The following NRG3 variants were observed in gnomAD, a reference collection of about 807,000 sequenced individuals.
NRG3 encodes the protein neuregulin 3, also known as pro-neuregulin-3, membrane-bound isoform.
NRG3 carries 31 observed loss-of-function variants against 66.9 expected under a neutral mutation model. The ratio of observed to expected loss-of-function variants is 0.46; its 90% CI spans 0.35 to 0.63. The LOEUF (loss-of-function observed/expected upper bound fraction) is 0.63. Ranked by LOEUF, NRG3 falls within the 20% of genes least tolerant of loss-of-function variation. The pLI is 0.00. For missense variants in NRG3, 910 were observed against 878.9 expected, an observed-to-expected ratio of 1.04 and a Z score of -0.45; for synonymous variants, 393 against 359.4, an observed-to-expected ratio of 1.09 and a Z score of -1.06.
intron 2 of NRG3, among the ~76,000 whole-genome samples, chr10:82,407,807 A>G (rs1240083028): frequency 6.6e-6 from 1 of 152,112 alleles, no homozygotes; most frequent in East Asian, 1.9e-4. Flanking sequence ...GTGGTGGCTC[A>G]TGCCTATAAT....
intron 1 of NRG3, among the ~76,000 whole-genome samples, chr10:82,006,851 T>G (rs1205360926): frequency 6.6e-6 from 1 of 152,310 alleles, no homozygotes; most frequent in African/African-American, 2.4e-5. Flanking sequence ...AGTAAAGGCT[T>G]ATATCAATTA....
intron 1 of NRG3, among the ~76,000 whole-genome samples, chr10:82,193,253 C>T (rs2074261428): frequency 6.6e-6 from 1 of 152,134 alleles, no homozygotes; most frequent in African/African-American, 2.4e-5. Context: ...AGCGATTCTC[C>T]TCCCTCAGCC....
intron 2 of NRG3, among the ~76,000 whole-genome samples, chr10:82,715,835 C>A (rs768216998): frequency 6.6e-6 from 1 of 152,054 alleles, no homozygotes; most frequent in Non-Finnish European, 1.5e-5. Flanking sequence ...TTCAGGTCAC[C>A]ATCATGGTTG....
chr10:82,847,788 G>C (rs1027605705), intron 3 of NRG3, among the ~76,000 whole-genome samples: 1 of 152,180 alleles, frequency 6.6e-6, no homozygotes, highest in Non-Finnish European at 1.5e-5. Flanking sequence ...GAAACCTTGA[G>C]ATGCTGGCTA....
intron 2 of NRG3, among the ~76,000 whole-genome samples, chr10:82,508,897 G>A (rs1844913544): frequency 1.3e-5 from 2 of 152,184 alleles, no homozygotes; most frequent in Admixed American, 6.5e-5. Flanking sequence ...CAAATGTAGA[G>A]TTTATCAGGG....
chr10:82,283,753 A>G (rs1350148556), intron 1 of NRG3, among the ~76,000 whole-genome samples: 2 of 152,144 alleles, frequency 1.3e-5, no homozygotes, highest in African/African-American at 4.8e-5. Flanking sequence ...TCCGTGTTCT[A>G]CCATTTATCA....
intron 3 of NRG3, among the ~76,000 whole-genome samples, chr10:82,824,895 A>T (rs1419214932): frequency 1.3e-5 from 2 of 151,856 alleles, no homozygotes; most frequent in Admixed American, 1.3e-4. Flanking sequence ...TTATTTGCTT[A>T]GAGACAGGGT....
intron 1 of NRG3, among the ~76,000 whole-genome samples, chr10:81,988,584 C>T (rs2060615507): frequency 6.6e-6 from 1 of 152,118 alleles, no homozygotes; most frequent in Admixed American, 6.6e-5. Context: ...CTCAGCTTGT[C>T]CTGAGAGTCA....
chr10:82,554,895 A>G (rs1183757668), intron 2 of NRG3, among the ~76,000 whole-genome samples: 1 of 152,156 alleles, frequency 6.6e-6, no homozygotes, highest in Non-Finnish European at 1.5e-5. Flanking sequence ...GGTTTGTATG[A>G]TAGTTGGGTT....
intron 2 of NRG3, among the ~76,000 whole-genome samples, chr10:82,695,811 A>C (rs570493164): frequency 6.6e-6 from 1 of 152,138 alleles, no homozygotes; most frequent in African/African-American, 2.4e-5. Flanking sequence ...ATTTTATTTT[A>C]TCTAGGGAAT....
chr10:82,339,461 A>G (rs1482268823), intron 1 of NRG3, among the ~76,000 whole-genome samples: 1 of 152,152 alleles, frequency 6.6e-6, no homozygotes, highest in Non-Finnish European at 1.5e-5. Context: ...TTATAAAACC[A>G]TCAGATCTTG....
intron 2 of NRG3, among the ~76,000 whole-genome samples, chr10:82,722,428 ACAAAG>A (rs962101017): frequency 1.3e-5 from 2 of 152,264 alleles, no homozygotes; most frequent in African/African-American, 4.8e-5. Flanking sequence ...GTCATAGTCA[ACAAAG>A]CAAAGAATGT....
intron 2 of NRG3, among the ~76,000 whole-genome samples, chr10:82,584,074 T>A (rs2046522471): frequency 6.6e-6 from 1 of 152,166 alleles, no homozygotes; most frequent in African/African-American, 2.4e-5. Flanking sequence ...TTTGTTGTTG[T>A]TGATGTTTCA....
At chr10:82,476,080 A>G (rs1306526868) in intron 2 of NRG3, among the ~76,000 whole-genome samples, 2 of 152,194 alleles carry the variant, frequency 1.3e-5, no homozygotes, top group Non-Finnish European at 2.9e-5. Context: ...AAGCACATGA[A>G]AAGAAATTCA....
intron 1 of NRG3, among the ~76,000 whole-genome samples, chr10:81,975,323 A>G (rs200016713): frequency 0.021 from 963 of 45,414 alleles, 11 homozygotes; most frequent in African/African-American, 0.092. Flanking sequence ...ACATCTATCT[A>G]TCTATCTATC....
intron 1 of NRG3, among the ~76,000 whole-genome samples, chr10:82,218,587 C>G (rs140776529): frequency 1.0e-3 from 158 of 152,264 alleles, no homozygotes; most frequent in Admixed American, 2.9e-3. Context: ...AGACACTGTA[C>G]AGCCCAGAAC....
At chr10:82,473,747 G>C (rs1189652889) in intron 2 of NRG3, among the ~76,000 whole-genome samples, 1 of 152,078 alleles carries the variant, frequency 6.6e-6, no homozygotes, top group Non-Finnish European at 1.5e-5. Context: ...ATCCTAACTT[G>C]TCTTCAGGCT....
chr10:82,897,882 T>C (rs965074142), intron 4 of NRG3, among the ~76,000 whole-genome samples: 1 of 152,210 alleles, frequency 6.6e-6, no homozygotes, highest in Non-Finnish European at 1.5e-5. Context: ...AATTAAATGA[T>C]GAGGTGATTA....
chr10:82,101,957 T>A (rs1010782719), intron 1 of NRG3, among the ~76,000 whole-genome samples: 1 of 149,298 alleles, frequency 6.7e-6, no homozygotes, highest in Non-Finnish European at 1.5e-5. Context: ...CTCCTTCCAG[T>A]TCTATCAGTT....
Sources: allele counts gnomAD v4.1 joint callset (sites outside exome capture counted in the v4.1 genomes callset), GRCh38; gene constraint gnomAD v4.1.1; transcripts MANE v1.5; gene names NCBI Gene and HGNC (gene_info 2026-07-23, HGNC 2026-07-21).